URI1: variants seen among roughly 807,000 people sequenced by gnomAD.
The protein encoded by URI1 is URI1 prefoldin like chaperone, also known as unconventional prefoldin RPB5 interactor 1.
Under a neutral mutation model 60.2 loss-of-function variants are expected in URI1, and 39 were observed. That is an observed-to-expected ratio of 0.65 (90% CI 0.50 to 0.85). The LOEUF (loss-of-function observed/expected upper bound fraction) is 0.85, where lower values mean the gene tolerates loss of function less well. URI1 is among the 40% of genes least tolerant of loss of function. The pLI is 0.00. For missense variants in URI1, 691 were observed against 665.9 expected, an observed-to-expected ratio of 1.04 and a Z score of -0.42; for synonymous variants, 251 against 236.8, an observed-to-expected ratio of 1.06 and a Z score of -0.55.
At chr19:29,953,141 T>C (rs1213650460) in intron 1 of URI1, among the ~76,000 whole-genome samples, 1 of 152,244 alleles carries the variant, frequency 6.6e-6, no homozygotes, top group African/African-American at 2.4e-5. Context: ...ATTTATGCTC[T>C]CATTTCACCA....
At position 30,012,536 on chromosome 19, in the gene URI1, G is replaced by C; in HGVS notation, c.1425+5G>C. Reference sequence around the variant, plus strand: ...CCCTTATCAGTAACACCTGAGGTGTGTGTGTGTATCTTTTAATTCTTTATT... The same window carrying C: ...CCCTTATCAGTAACACCTGAGGTGTCTGTGTGTATCTTTTAATTCTTTATT... On this transcript the variant is annotated splice_donor_5th_base_variant and intron_variant, in intron 10 of 10. Transcript: ENST00000392271. 6 of 1,611,792 alleles carry C rather than the reference G, an allele frequency of 3.7e-6. No homozygotes were observed. Among genetic ancestry groups the C allele is most frequent in the Non-Finnish European group, 5.1e-6 (6 of 1,179,064 alleles).
At chr19:29,942,133 G>A, upstream of URI1, 1 of 841,696 alleles carries the variant, frequency 1.2e-6, no homozygotes, top group African/African-American at 1.8e-5. Context: ...CCCCAGCCAC[G>A]CGGTTCGCAT....
chr19:29,954,499 C>G (rs1037869226), intron 1 of URI1, among the ~76,000 whole-genome samples: 1 of 148,746 alleles, frequency 6.7e-6, no homozygotes, highest in Non-Finnish European at 1.5e-5. Context: ...CTTACTTACC[C>G]CTACAGATAA....
chr19:29,989,708 A>G (rs921713603), intron 4 of URI1, among the ~76,000 whole-genome samples: 1 of 151,340 alleles, frequency 6.6e-6, no homozygotes, highest in Admixed American at 6.6e-5. Flanking sequence ...AAGTGCTGAG[A>G]TTACAGGTAT....
chr19:29,926,785 G>T (rs2054871919), intron 1 of URI1, among the ~76,000 whole-genome samples: 1 of 152,236 alleles, frequency 6.6e-6, no homozygotes, highest in African/African-American at 2.4e-5. Context: ...CTCAGAGAAG[G>T]CTTCCCTGGA....
intron 6 of URI1, among the ~76,000 whole-genome samples, chr19:30,007,263 A>G (rs940308265): frequency 6.6e-6 from 1 of 151,942 alleles, no homozygotes; most frequent in Non-Finnish European, 1.5e-5. Context: ...GTGTTCCCCA[A>G]GGACGCCAGT....
intron 1 of URI1, among the ~76,000 whole-genome samples, chr19:29,933,935 C>A (rs558298733): frequency 1.0e-5 from 1 of 99,600 alleles, no homozygotes; most frequent in South Asian, 3.7e-4. Flanking sequence ...TTTTTCTTTT[C>A]TTCCCTTTTT....
At chr19:29,961,795 C>T (rs2055328982) in intron 1 of URI1, among the ~76,000 whole-genome samples, 1 of 151,600 alleles carries the variant, frequency 6.6e-6, no homozygotes, top group Non-Finnish European at 1.5e-5. Context: ...AAGTGATTCT[C>T]CTGCCTCAGC....
chr19:29,948,708 A>G lies in URI1; in HGVS notation c.117+6044A>G, dbSNP rs1440091235. On this transcript the variant is annotated intron_variant, in intron 1 of 10. Transcript: ENST00000392271. Reference sequence around the variant, plus strand: ...CCAAGGCAGAAGAATTTTTCTTAGTACAGAACAAAATGTAGTCTCCTATGT... The same window carrying G: ...CCAAGGCAGAAGAATTTTTCTTAGTGCAGAACAAAATGTAGTCTCCTATGT... 5.3e-5 allele frequency among the ~76,000 whole-genome samples: 8 copies of G among 152,226 alleles called. No homozygotes were observed. In the South Asian group the frequency reaches 1.0e-3, roughly 20 times the overall value.
intron 1 of URI1, chr19:29,956,219 G>A (rs1164603394): frequency 8.7e-6 from 4 of 458,192 alleles, no homozygotes; most frequent in East Asian, 4.5e-5. Context: ...GACCTCAGGT[G>A]ATCCACCTGT....
At chr19:29,964,536 C>T (rs529665662) in intron 1 of URI1, among the ~76,000 whole-genome samples, 4 of 145,554 alleles carry the variant, frequency 2.7e-5, no homozygotes, top group Non-Finnish European at 5.9e-5. Context: ...GTGACCTTGG[C>T]TCACTGCAAC....
chr19:29,986,143 G>T, intron 3 of URI1, 139 bp from the exon 4 acceptor site: 1 of 820,412 alleles, frequency 1.2e-6, no homozygotes, highest in East Asian at 3.3e-5. Context: ...TTGAATTTCT[G>T]TGAAGCTGGC....
chr19:29,966,799 G>T (rs1183761952), intron 1 of URI1, among the ~76,000 whole-genome samples: 1 of 152,176 alleles, frequency 6.6e-6, no homozygotes, highest in Non-Finnish European at 1.5e-5. Flanking sequence ...AGTCTAGCAG[G>T]AGAAGCAAAC....
intron 1 of URI1, among the ~76,000 whole-genome samples, chr19:29,960,837 T>C (rs900615994): frequency 1.2e-4 from 18 of 152,138 alleles, no homozygotes; most frequent in Non-Finnish European, 1.9e-4. Flanking sequence ...GTAGTAAATA[T>C]AACAAAATTT....
At chr19:29,929,758 A>G (rs2054900522) in intron 1 of URI1, among the ~76,000 whole-genome samples, 1 of 152,008 alleles carries the variant, frequency 6.6e-6, no homozygotes, top group African/African-American at 2.4e-5. Context: ...TCTTTGGAGA[A>G]ATAGCTATGC....
chr19:29,927,117 T>C (rs1009671959), intron 1 of URI1, among the ~76,000 whole-genome samples: 2 of 152,134 alleles, frequency 1.3e-5, no homozygotes, highest in East Asian at 3.8e-4. Context: ...AGGTGAGCAG[T>C]GATGGTGTCT....
At position 30,012,730 on chromosome 19, in the gene URI1, T is replaced by A. The variant is rs960170205; in HGVS notation, c.1425+199T>A. On this transcript the variant is annotated intron_variant, in intron 10 of 10. Transcript: ENST00000392271. ...TTTATTTTTTGATAAACACATTACT[T>A]GTCTTAACGTTCTATTTCAGCAAAA... 8 of 593,914 alleles carry A rather than the reference T, an allele frequency of 1.3e-5. No homozygotes were observed. In the African/African-American group the frequency reaches 1.5e-4, roughly 11 times the overall value. 36.8% of individuals were successfully genotyped at this position (593,914 alleles called of 1,614,324 possible).
chr19:30,009,006 A>AACT lies in URI1; in HGVS notation c.689_690insCTA (p.Lys230delinsAsnTer). The AACT allele has an allele frequency of 6.3e-7, 1 of 1,592,132 alleles. No individual in the cohort carries two copies. The highest frequency in any genetic ancestry group is 8.6e-7 in the Non-Finnish European group (1 of 1,166,188). The stretch of plus-strand genomic sequence containing the variant: ...CTTGTTAATTTTCTTCCTTGCTAGT[A>AACT]AGCCTGATACTGTGATTGCAAATGG... On this transcript the variant is annotated stop_gained and protein_altering_variant and splice_region_variant, in exon 8 of 11. Coordinates refer to ENST00000392271, the MANE Select transcript of URI1 (RefSeq NM_003796.3). LOFTEE classifies it high-confidence loss of function.
chr19:29,994,171 G>C (rs1307294445), intron 4 of URI1, among the ~76,000 whole-genome samples: 2 of 152,120 alleles, frequency 1.3e-5, no homozygotes, highest in Non-Finnish European at 2.9e-5. Flanking sequence ...AACTTTGACA[G>C]TGCTGGCTTT....
Sources: gnomAD v4.1 joint callset for allele counts (sites outside exome capture counted in the v4.1 genomes callset) on GRCh38, gnomAD v4.1.1 for gene constraint, MANE v1.5 for transcripts, NCBI Gene and HGNC (gene_info 2026-07-23, HGNC 2026-07-21) for gene names.